The following PCLO variants were observed in gnomAD, a reference collection of about 807,000 sequenced individuals.
The protein encoded by PCLO is piccolo presynaptic cytomatrix protein.
In PCLO, 82 loss-of-function variants were observed where a neutral mutation model predicts 427.5. The ratio of observed to expected loss-of-function variants is 0.19; its 90% confidence interval spans 0.16 to 0.23. The LOEUF (loss-of-function observed/expected upper bound fraction) is 0.23. Ranked by LOEUF, PCLO falls within the 10% of genes least tolerant of loss-of-function variation. The probability of loss-of-function intolerance (pLI) is 1.00; values close to 1 mark genes in which losing one functional copy is unlikely to be tolerated. For synonymous variants in PCLO, 2,357 were observed against 2,155.4 expected (o/e 1.09, Z -2.59); for missense variants, 6,239 against 6,115.9 (o/e 1.02, Z -0.67).
intron 3 of PCLO, among the ~76,000 whole-genome samples, chr7:83,112,847 C>A (rs1028894305): frequency 6.6e-6 from 1 of 152,112 alleles, no homozygotes; most frequent in Non-Finnish European, 1.5e-5. Flanking sequence ...TAGCCAAGGA[C>A]CATTACTTTT....
At chr7:82,765,593 G>T (rs577543934) in intron 22 of PCLO, among the ~76,000 whole-genome samples, 1 of 151,906 alleles carries the variant, frequency 6.6e-6, no homozygotes, top group Non-Finnish European at 1.5e-5. Context: ...TCCTCTCAAA[G>T]ATTTGGTATA....
At chr7:83,036,051 T>C (rs1456615743) in intron 3 of PCLO, among the ~76,000 whole-genome samples, 1 of 152,160 alleles carries the variant, frequency 6.6e-6, no homozygotes, top group Non-Finnish European at 1.5e-5. Context: ...CTATAAAATA[T>C]GTTAGTTTAT....
At chr7:83,068,673 T>C (rs1157971518) in intron 3 of PCLO, among the ~76,000 whole-genome samples, 2 of 152,154 alleles carry the variant, frequency 1.3e-5, no homozygotes, top group Admixed American at 6.5e-5. Context: ...TTGTACACTG[T>C]AGGAATGTAA....
intron 10 of PCLO, among the ~76,000 whole-genome samples, chr7:82,875,411 A>G (rs1043986215): frequency 6.6e-6 from 1 of 152,132 alleles, no homozygotes; most frequent in African/African-American, 2.4e-5. Flanking sequence ...GTAACAAGGT[A>G]GACTAACTTG....
Position 82,827,911 on chromosome 7 carries a change from T to G in PCLO, c.14305A>C (p.Asn4769His), listed in dbSNP as rs1269931868. Residue 4769 changes from asparagine to histidine, a missense_variant, in exon 17 of 25, where the codon AAT becomes CAT. Transcript: ENST00000333891. ...ATACTTTTATAAATTACTGTTTGAT[T>G]CCACTCAGGATTAAGACTTTTCTGG... Reference protein sequence around the residue: ...HVQKSLNPEWNQTVIYKSISM... With the variant: ...HVQKSLNPEWHQTVIYKSISM... 8 of 1,602,162 alleles carry G rather than the reference T, an allele frequency of 5.0e-6. No homozygotes were observed. In the South Asian group the frequency reaches 8.8e-5, roughly 18 times the overall value.
intron 6 of PCLO, among the ~76,000 whole-genome samples, chr7:82,925,150 G>A (rs12533833): frequency 0.24 from 37,041 of 151,880 alleles, 5,247 homozygotes; most frequent in East Asian, 0.6. Context: ...ATTTTCTTCC[G>A]CTCTGCTCCT....
intron 4 of PCLO, among the ~76,000 whole-genome samples, chr7:82,965,022 C>A (rs947168291): frequency 2.8e-4 from 42 of 152,056 alleles, no homozygotes; most frequent in Admixed American, 2.8e-3. Context: ...AGATCTCTTA[C>A]AGCTCCAAAA....
intron 3 of PCLO, among the ~76,000 whole-genome samples, chr7:83,029,945 A>C (rs182821935): frequency 0.13 from 17,562 of 130,284 alleles, 1,276 homozygotes; most frequent in Middle Eastern, 0.24. Context: ...GGAACACCAC[A>C]CTCTGGGGAC....
At chr7:83,025,067 G>T (rs1416841509) in intron 3 of PCLO, among the ~76,000 whole-genome samples, 1 of 152,146 alleles carries the variant, frequency 6.6e-6, no homozygotes, top group Non-Finnish European at 1.5e-5. Context: ...CCAAAGGAAC[G>T]CAGTTCCTCA....
intron 3 of PCLO, among the ~76,000 whole-genome samples, chr7:83,029,916 T>A (rs1212557265): frequency 2.2e-5 from 3 of 138,664 alleles, no homozygotes; most frequent in Admixed American, 7.4e-5. Flanking sequence ...AACAATGAGA[T>A]CACATGGACA....
intron 3 of PCLO, among the ~76,000 whole-genome samples, chr7:82,979,792 T>C (rs904965018): frequency 6.6e-6 from 1 of 152,264 alleles, no homozygotes; most frequent in East Asian, 1.9e-4. Flanking sequence ...AACTGAATAA[T>C]ATGGAAAGTC....
Position 82,949,836 on chromosome 7 carries a change from T to C in PCLO, c.10752A>G (p.Thr3584=), listed in dbSNP as rs768384876. 2 of 1,613,794 alleles carry C rather than the reference T, an allele frequency of 1.2e-6. No homozygotes were observed. Among genetic ancestry groups the C allele is most frequent in the South Asian group, 1.1e-5 (1 of 91,064 alleles). ...DTQSPQYLSA[T]SPPKDKKRPT... ...GGCGTTTCTTGTCTTTGGGTGGAGA[T>C]GTGGCACTCAGATATTGAGGACTTT... is the stretch of plus-strand genomic sequence containing the variant. The change falls in exon 6 of 25, where the codon ACA becomes ACG. Residue 3584 remains threonine, a synonymous_variant. Transcript: ENST00000333891.
chr7:82,972,644 T>G (rs544206141), intron 3 of PCLO, among the ~76,000 whole-genome samples: 3 of 152,014 alleles, frequency 2.0e-5, no homozygotes, highest in Admixed American at 1.3e-4. Flanking sequence ...TTTCCACCCA[T>G]AGAAGTATGT....
chr7:82,963,333 G>A (rs901247772), intron 4 of PCLO, among the ~76,000 whole-genome samples: 1 of 151,884 alleles, frequency 6.6e-6, no homozygotes, highest in African/African-American at 2.4e-5. Context: ...TGTTGAAAAA[G>A]TATTTTAAAA....
intron 3 of PCLO, among the ~76,000 whole-genome samples, chr7:83,132,226 G>C (rs1044369660): frequency 3.3e-5 from 5 of 152,114 alleles, no homozygotes; most frequent in Non-Finnish European, 4.4e-5. Flanking sequence ...AATACTAGTT[G>C]CTTTTGTTAG....
intron 3 of PCLO, among the ~76,000 whole-genome samples, chr7:83,075,223 G>C (rs1183715715): frequency 6.6e-6 from 1 of 152,084 alleles, no homozygotes; most frequent in Non-Finnish European, 1.5e-5. Flanking sequence ...AAGTAGTATC[G>C]AGACATTTTA....
intron 10 of PCLO, among the ~76,000 whole-genome samples, chr7:82,858,273 A>G (rs753957915): frequency 6.6e-6 from 1 of 152,212 alleles, no homozygotes; most frequent in Non-Finnish European, 1.5e-5. Context: ...ACATCCTCTC[A>G]TGACAAAAAA....
At chr7:82,922,513 C>T (rs1794620983) in intron 6 of PCLO, among the ~76,000 whole-genome samples, 1 of 152,010 alleles carries the variant, frequency 6.6e-6, no homozygotes, top group Admixed American at 6.6e-5. Flanking sequence ...CACATGTTGT[C>T]ACCTATAAGT....
intron 3 of PCLO, among the ~76,000 whole-genome samples, chr7:83,094,704 G>C (rs1168383336): frequency 6.6e-6 from 1 of 152,130 alleles, no homozygotes; most frequent in Non-Finnish European, 1.5e-5. Context: ...AATGTTTGTG[G>C]ACAAGTGGTT....
Sources: gnomAD v4.1 joint callset for allele counts (sites outside exome capture counted in the v4.1 genomes callset) on GRCh38, gnomAD v4.1.1 for gene constraint, MANE v1.5 for transcripts, NCBI Gene and HGNC (gene_info 2026-07-23, HGNC 2026-07-21) for gene names.